Variants in CFAP92 observed in about 807,000 individuals in gnomAD.
The protein encoded by CFAP92 is uncharacterized protein CFAP92.
Under a neutral mutation model 106.3 loss-of-function variants are expected in CFAP92, and 86 were observed. The observed-to-expected ratio is 0.81, with a 90% CI of 0.68 to 0.97. The LOEUF is 0.97. Among genes scored for constraint, CFAP92 ranks in the 50% least tolerant of loss-of-function variants. CFAP92 has a pLI of 0.00. For missense variants in CFAP92, 1,204 were observed against 1,283.8 expected, an observed-to-expected ratio of 0.94 and a Z score of 0.95; for synonymous variants, 477 against 506.4, an observed-to-expected ratio of 0.94 and a Z score of 0.78.
intron 10 of CFAP92, among the ~76,000 whole-genome samples, chr3:128,937,989 A>G (rs1291387109): frequency 6.6e-6 from 1 of 151,616 alleles, no homozygotes; most frequent in Non-Finnish European, 1.5e-5. Flanking sequence ...GCTTGAACCC[A>G]GGAGGCAGAG....
At chr3:128,979,946 TAATA>T (rs1313484869) in intron 4 of CFAP92, among the ~76,000 whole-genome samples, 1 of 43,266 alleles carries the variant, frequency 2.3e-5, no homozygotes, top group East Asian at 4.0e-4. Flanking sequence ...TAAAGTATAA[TAATA>T]TATATATATA....
chr3:128,992,464 A>C (rs1944272815), intron 2 of CFAP92, among the ~76,000 whole-genome samples: 1 of 152,054 alleles, frequency 6.6e-6, no homozygotes, highest in African/African-American at 2.4e-5. Context: ...TGGGAGGCTG[A>C]GGCACGAGAA....
At chr3:128,982,505 C>G (rs1283742808) in intron 4 of CFAP92, among the ~76,000 whole-genome samples, 1 of 152,202 alleles carries the variant, frequency 6.6e-6, no homozygotes, top group Non-Finnish European at 1.5e-5. Context: ...ACTTTCTTAT[C>G]ATTCCTGTGT....
chr3:128,974,273 T>G (rs1402046026), intron 7 of CFAP92, among the ~76,000 whole-genome samples: 3 of 152,140 alleles, frequency 2.0e-5, no homozygotes, highest in Non-Finnish European at 4.4e-5. Flanking sequence ...TCTGTAGCAA[T>G]TATAGCTAAA....
At chr3:129,005,184 C>T (rs1351155673), upstream of CFAP92, among the ~76,000 whole-genome samples, 2 of 152,252 alleles carry the variant, frequency 1.3e-5, no homozygotes, top group East Asian at 1.9e-4. Context: ...TGAGCAGCCA[C>T]CTGTGAGCAG....
upstream of CFAP92, among the ~76,000 whole-genome samples, chr3:128,996,987 G>C (rs775885029): frequency 2.0e-5 from 3 of 152,226 alleles, no homozygotes; most frequent in Non-Finnish European, 2.9e-5. Context: ...AGGCCTCTTG[G>C]GACCTAGGCG....
intron 9 of CFAP92, among the ~76,000 whole-genome samples, chr3:128,962,465 G>A (rs989437131): frequency 7.9e-5 from 12 of 151,994 alleles, no homozygotes; most frequent in Admixed American, 7.2e-4. Context: ...TTATTAGACC[G>A]AGATATTTTA....
intron 1 of CFAP92, chr3:129,001,582 G>C: frequency 7.4e-7 from 1 of 1,346,388 alleles, no homozygotes; most frequent in East Asian, 3.1e-5. Context: ...GTGGCGGGGC[G>C]AAGGGACCGG....
chr3:129,002,496 A>G, intron 1 of CFAP92: 1 of 1,277,758 alleles, frequency 7.8e-7, no homozygotes, highest in Non-Finnish European at 1.0e-6. Context: ...GTTCCTCCCC[A>G]TTCCACTCCA....
chr3:128,966,284 G>A (rs746646179), intron 8 of CFAP92, among the ~76,000 whole-genome samples: 12 of 152,194 alleles, frequency 7.9e-5, no homozygotes, highest in African/African-American at 1.7e-4. Context: ...CCTGGCCATC[G>A]TTGCAGGAAG....
At chr3:129,022,530 G>A in the CFAP92 span, among the ~76,000 whole-genome samples, 13 of 152,222 alleles carry the variant, frequency 8.5e-5, no homozygotes, top group Non-Finnish European at 1.8e-4. Context: ...GCGGCCAGAT[G>A]TGGCCATCAG....
intron 1 of CFAP92, chr3:129,001,509 G>C (rs1944744524): frequency 7.6e-7 from 1 of 1,317,940 alleles, no homozygotes; most frequent in Non-Finnish European, 9.7e-7. Context: ...CCCCGGCGCC[G>C]CTCCAACCAG....
At chr3:129,010,063 A>G in the CFAP92 span, among the ~76,000 whole-genome samples, 3 of 152,234 alleles carry the variant, frequency 2.0e-5, no homozygotes, top group Non-Finnish European at 2.9e-5. This position sits in a 1 kb window ranked among gnomAD's most constrained non-coding sequence, Gnocchi z 4.3. Flanking sequence ...GGACACACGA[A>G]TGGACCAGCG....
chr3:128,937,003 A>G lies in CFAP92; in HGVS notation c.2259-1684T>C, dbSNP rs1320030462. Among the ~76,000 whole-genome samples, 7 of 152,132 alleles carry G rather than the reference A, an allele frequency of 4.6e-5. 1 individual carries two copies. The highest frequency in any genetic ancestry group is 1.0e-4 in the Non-Finnish European group (7 of 68,032). ...TCTGGGGTCATGAATATGTTCTTCT[A>G]TATTTTCATCTATAAGCTTTTTAAT... On this transcript the variant is annotated intron_variant, in intron 10 of 15. Coordinates refer to ENST00000645291, the MANE Select transcript of CFAP92 (RefSeq NM_001394090.1).
At position 128,990,429 on chromosome 3, in the gene CFAP92, G is replaced by A. The variant is rs539525653; in HGVS notation, c.263-1511C>T. On this transcript the variant is annotated intron_variant, in intron 2 of 15. Coordinates refer to ENST00000645291, the MANE Select transcript of CFAP92 (RefSeq NM_001394090.1). Reference sequence around the variant, plus strand: ...GGAGAATCGCTTGAACCCAGGAGGCGGAGGTTGCAGTGAGCCAAGATCGCG... The same window carrying A: ...GGAGAATCGCTTGAACCCAGGAGGCAGAGGTTGCAGTGAGCCAAGATCGCG... Among the ~76,000 whole-genome samples, 9 of 152,194 alleles carry A rather than the reference G, an allele frequency of 5.9e-5. No individual in the cohort carries two copies. The East Asian group carries it at 1.2e-3, about 20-fold the overall frequency.
At chr3:128,928,248 G>A (rs935998912) in intron 12 of CFAP92, among the ~76,000 whole-genome samples, 13 of 152,020 alleles carry the variant, frequency 8.6e-5, no homozygotes, top group Non-Finnish European at 1.5e-4. Flanking sequence ...GCAAGACTCC[G>A]TCCCAAAAAA....
At chr3:128,941,668 G>T (rs1049828291) in intron 10 of CFAP92, among the ~76,000 whole-genome samples, 1 of 152,046 alleles carries the variant, frequency 6.6e-6, no homozygotes, top group African/African-American at 2.4e-5. Context: ...GTAGAGATGG[G>T]GTTTCACCAT....
chr3:129,020,702 G>A, the CFAP92 span, among the ~76,000 whole-genome samples: 4 of 152,154 alleles, frequency 2.6e-5, no homozygotes, highest in African/African-American at 4.8e-5. Context: ...GGTAAGGCAC[G>A]CTTATTGGAG....
chr3:128,979,241 A>G, intron 4 of CFAP92, among the ~76,000 whole-genome samples: 1 of 152,254 alleles, frequency 6.6e-6, no homozygotes, highest in Non-Finnish European at 1.5e-5. Flanking sequence ...CAAAACCACA[A>G]TGAAATACCA....
Sources: allele counts gnomAD v4.1 joint callset (sites outside exome capture counted in the v4.1 genomes callset), GRCh38; gene constraint gnomAD v4.1.1; non-coding constraint Gnocchi (gnomAD v3.1); transcripts MANE v1.5; gene names NCBI Gene and HGNC (gene_info 2026-07-23, HGNC 2026-07-21).